The following UNKL variants were observed in gnomAD, a reference collection of about 807,000 sequenced individuals.
UNKL encodes the protein unk like zinc finger, also known as putative E3 ubiquitin-protein ligase UNKL.
Under a neutral mutation model 78.0 loss-of-function variants are expected in UNKL, and 60 were observed. That is an observed-to-expected ratio of 0.77 (90% CI 0.63 to 0.95). The LOEUF (loss-of-function observed/expected upper bound fraction) is 0.95, where lower values mean the gene tolerates loss of function less well. Among genes scored for constraint, UNKL ranks in the 40% least tolerant of loss-of-function variants. The pLI is 0.00. For synonymous variants in UNKL, 608 were observed against 474.8 expected (o/e 1.28, Z -3.65); for missense variants, 1,159 against 1,045.7 (o/e 1.11, Z -1.49).
intron 9 of UNKL, 33 bp from the exon 10 acceptor site, chr16:1,385,418 C>A (rs1392140646): frequency 3.1e-6 from 4 of 1,301,466 alleles, no homozygotes; most frequent in Non-Finnish European, 9.8e-7. Context: ...TGAGCGCGCA[C>A]CCCCTGCGTG....
At position 1,363,336 on chromosome 16, in the gene UNKL, A is replaced by ATGAT. The variant is rs1176558576; in HGVS notation, c.*2900_*2903dup. Reference sequence around the variant, plus strand: ...ACTTTAAACAGTTCGCTACAAGTAAATGATTATAAATACTACCTTCTGGGT... The same window carrying ATGAT: ...ACTTTAAACAGTTCGCTACAAGTAAATGATTGATTATAAATACTACCTTCTGGGT... On this transcript the variant is annotated 3_prime_UTR_variant, in exon 15 of 15. Transcript: ENST00000389221. The ATGAT allele has an allele frequency of 7.9e-6, 4 of 506,744 alleles. No homozygotes were observed. In the East Asian group the frequency reaches 1.5e-4, roughly 18 times the overall value. The allele number at this position is 506,744 out of a possible 1,614,324, so 31.4% of individuals were successfully genotyped here. A position where few individuals can be genotyped will look rare whatever the true frequency, so the allele number is the denominator to read the frequency against.
chr16:1,383,472 G>A (rs1267987375), intron 10 of UNKL: 11 of 231,326 alleles, frequency 4.8e-5, no homozygotes, highest in Admixed American at 4.4e-4. Context: ...GGGGACTGAG[G>A]ACCGTCCTGG....
intron 9 of UNKL, among the ~76,000 whole-genome samples, chr16:1,388,739 C>T (rs1469589452): frequency 1.3e-5 from 2 of 152,024 alleles, no homozygotes; most frequent in Non-Finnish European, 2.9e-5. Context: ...ACACCGGCAC[C>T]GTTCTCCCCG....
intron 10 of UNKL, 83 bp downstream of exon 10, chr16:1,385,125 T>C (rs913615942): frequency 9.3e-7 from 1 of 1,078,090 alleles, no homozygotes; most frequent in Non-Finnish European, 1.2e-6. Flanking sequence ...TAACATGTCC[T>C]GAAATAGAAG....
Position 1,375,423 on chromosome 16 carries a change from C to A in UNKL, c.1265-3812G>T, listed in dbSNP as rs115265808. ...GACCCAGACTCAACCCTCGTCCACA[C>A]GCCAGCCGTGAGGGAATTTCCGGGG... On this transcript the variant is annotated intron_variant, in intron 10 of 14. Coordinates refer to ENST00000389221, the MANE Select transcript of UNKL (RefSeq NM_001372107.1). Among the ~76,000 whole-genome samples the A allele has an allele frequency of 8.1e-3, 1,229 of 152,340 alleles. 12 individuals are homozygous for A. The highest frequency in any genetic ancestry group is 0.027 in the African/African-American group (1,130 of 41,576).
At chr16:1,386,838 A>G (rs1277130715) in intron 9 of UNKL, among the ~76,000 whole-genome samples, 2 of 152,032 alleles carry the variant, frequency 1.3e-5, no homozygotes, top group Non-Finnish European at 2.9e-5. Context: ...ACGGCCCAGG[A>G]GGTGCACAGA....
chr16:1,383,030 C>T (rs992772500), intron 10 of UNKL, among the ~76,000 whole-genome samples: 2 of 148,002 alleles, frequency 1.4e-5, no homozygotes, highest in Non-Finnish European at 3.0e-5. Flanking sequence ...GAGGCCCAGG[C>T]GGGCAGATCA....
At chr16:1,390,949 G>C (rs1183883037) in intron 8 of UNKL, among the ~76,000 whole-genome samples, 1 of 152,132 alleles carries the variant, frequency 6.6e-6, no homozygotes, top group Non-Finnish European at 1.5e-5. Flanking sequence ...AAAATCGCTT[G>C]AACCCAGGAG....
intron 10 of UNKL, among the ~76,000 whole-genome samples, chr16:1,376,505 C>G (rs1596679676): frequency 6.6e-6 from 1 of 152,152 alleles, no homozygotes; most frequent in South Asian, 2.1e-4. Context: ...GGCGTCCATC[C>G]TCCTTCATGG....
At chr16:1,407,191 C>A (rs146075358) in intron 2 of UNKL, 1 of 151,932 alleles carries the variant, frequency 6.6e-6, no homozygotes, top group Non-Finnish European at 1.5e-5. Context: ...GACTCCAGAC[C>A]CGCCAGATAC....
rs1244061235 is a variant in UNKL, at chr16:1,392,950, C to A, written c.964G>T (p.Gly322Cys). 32 of 1,550,432 alleles carry A rather than the reference C, an allele frequency of 2.1e-5. No homozygotes were observed. Among genetic ancestry groups the A allele is most frequent in the Non-Finnish European group, 2.7e-5 (31 of 1,147,006 alleles). ...CTCGTGAGGTGGAGGTCGTGACAGC[C>A]CCATTCATTCACCATCCCCAGGCTC... ...EKSLGMVNEWGCHDLHLTSPS... is the reference protein window; with the variant it reads ...EKSLGMVNEWCCHDLHLTSPS... The change falls in exon 8 of 15, where the codon GGC (glycine) becomes TGC (cysteine). Residue 322 changes from glycine to cysteine, a missense_variant. Transcript: ENST00000389221.
intron 5 of UNKL, chr16:1,398,158 A>T: frequency 2.2e-6 from 1 of 445,428 alleles, no homozygotes; most frequent in Non-Finnish European, 3.0e-6. Context: ...TGGAAGCGAG[A>T]GTTTTGATCC....
intron 12 of UNKL, among the ~76,000 whole-genome samples, chr16:1,369,086 A>G (rs11648851): frequency 1 from 116,588 of 117,030 alleles, 58,075 homozygotes; most frequent in Admixed American, 1. Flanking sequence ...TTTTTTTTGA[A>G]ATGGAGTCTA....
intron 7 of UNKL, 65 bp from the exon 8 acceptor site, chr16:1,393,041 C>T: frequency 1.4e-6 from 2 of 1,479,700 alleles, no homozygotes; most frequent in Non-Finnish European, 1.8e-6. Flanking sequence ...ACGCAGAAGT[C>T]TCCGCACCAC....
In UNKL at chr16:1,401,650, T is replaced by C. The variant is rs776211007; in HGVS notation, c.516A>G (p.Glu172=). 4.7e-5 allele frequency: 76 copies of C among 1,612,002 alleles called. No individual in the cohort carries two copies. Among genetic ancestry groups the C allele is most frequent in the Non-Finnish European group, 5.5e-5 (65 of 1,179,340 alleles). The part of the protein sequence containing the change: ...ALQNGQLGGG[E]GVPDLQPGVL... Reference sequence around the variant, plus strand: ...CCCCAGGCTGCAGATCCGGGACCCCTTCCCCGCCGCCCAGCTGGCCGTTCT... The same window carrying C: ...CCCCAGGCTGCAGATCCGGGACCCCCTCCCCGCCGCCCAGCTGGCCGTTCT... Residue 172 remains glutamate, a synonymous_variant, in exon 4 of 15, where the codon GAA becomes GAG. Transcript: ENST00000389221.
intron 10 of UNKL, among the ~76,000 whole-genome samples, chr16:1,375,137 A>T (rs146560358): frequency 6.6e-6 from 1 of 152,152 alleles, no homozygotes; most frequent in East Asian, 1.9e-4. Context: ...CGAGCCCCCC[A>T]GGGCAGCCGG....
chr16:1,370,386 G>A lies in UNKL; in HGVS notation c.1358-29C>T, dbSNP rs575877599. The A allele has an allele frequency of 4.2e-4, 641 of 1,529,728 alleles. 4 individuals are homozygous for A. The highest frequency in any genetic ancestry group is 2.4e-3 in the Middle Eastern group (11 of 4,512). 94.8% of individuals were successfully genotyped at this position (1,529,728 alleles called of 1,614,324 possible). On this transcript the variant is annotated intron_variant, in intron 11 of 14. Transcript: ENST00000389221. ...GCGGGGGCGGACCAGTCAGCGAAGG[G>A]AGTACCGCCAGGCCTCTGCCCAAAC...
chr16:1,363,398 T>TG lies in UNKL; in HGVS notation c.*2841_*2842insC. 1 of 389,442 alleles carries TG rather than the reference T, an allele frequency of 2.6e-6. No homozygotes were observed. Among genetic ancestry groups the TG allele is most frequent in the Non-Finnish European group, 4.9e-6 (1 of 204,748 alleles). The allele number at this position is 389,442 out of a possible 1,614,324, so 24.1% of individuals were successfully genotyped here. Reference sequence around the variant, plus strand: ...CATTCAAATAACATTCTCATGTAAATACTCAAACATACAGATTGAGGCTTC... The same window carrying TG: ...CATTCAAATAACATTCTCATGTAAATGACTCAAACATACAGATTGAGGCTTC... On this transcript the variant is annotated 3_prime_UTR_variant, in exon 15 of 15. Coordinates refer to ENST00000389221, the MANE Select transcript of UNKL (RefSeq NM_001372107.1).
At chr16:1,391,160 TACACACACACACAC>T (rs59407356) in intron 8 of UNKL, among the ~76,000 whole-genome samples, 1,527 of 144,728 alleles carry the variant, frequency 0.011, 23 homozygotes, top group African/African-American at 0.038. Flanking sequence ...CAAAAAAAAA[TACACACACACACAC>T]ACACACACAC....
Sources: gnomAD v4.1 joint callset for allele counts (sites outside exome capture counted in the v4.1 genomes callset) on GRCh38, gnomAD v4.1.1 for gene constraint, MANE v1.5 for transcripts, NCBI Gene and HGNC (gene_info 2026-07-23, HGNC 2026-07-21) for gene names.